Variants in GRID1 observed in about 807,000 individuals in gnomAD.
GRID1 encodes glutamate receptor ionotropic, delta-1.
GRID1 carries 28 observed loss-of-function variants against 98.0 expected under a neutral mutation model. That is an observed-to-expected ratio of 0.29 (90% CI 0.21 to 0.39). GRID1 has a LOEUF of 0.39. GRID1 is among the 10% of genes least tolerant of loss of function. The pLI, the probability that GRID1 is intolerant of heterozygous loss-of-function variation, is 1.00. For missense variants in GRID1, 1,111 were observed against 1,340.5 expected, an observed-to-expected ratio of 0.83 and a Z score of 2.67; for synonymous variants, 553 against 538.5, an observed-to-expected ratio of 1.03 and a Z score of -0.37.
At chr10:86,176,531 A>C (rs938677925) in intron 3 of GRID1, among the ~76,000 whole-genome samples, 1 of 152,196 alleles carries the variant, frequency 6.6e-6, no homozygotes, top group Admixed American at 6.5e-5. Flanking sequence ...ACTGCCGGAG[A>C]CCAAAGGCAA....
chr10:85,708,174 G>A (rs1455856858), intron 12 of GRID1, among the ~76,000 whole-genome samples: 2 of 150,794 alleles, frequency 1.3e-5, no homozygotes, highest in South Asian at 2.1e-4. Context: ...GGAGGCCGAG[G>A]TGGGCGGATC....
At chr10:85,895,012 A>ATATATAT (rs1269376668) in intron 5 of GRID1, among the ~76,000 whole-genome samples, 69 of 115,950 alleles carry the variant, frequency 6.0e-4, no homozygotes, top group South Asian at 2.4e-3. Flanking sequence ...AAAAAAAAAA[A>ATATATAT]AAAAATATAT....
At chr10:86,241,935 T>C (rs559421643) in intron 2 of GRID1, among the ~76,000 whole-genome samples, 28 of 152,364 alleles carry the variant, frequency 1.8e-4, no homozygotes, top group Non-Finnish European at 3.4e-4. Context: ...GCTGGGTCCC[T>C]GGATGCAAGG....
intron 2 of GRID1, among the ~76,000 whole-genome samples, chr10:86,225,774 C>T (rs909787511): frequency 2.0e-5 from 3 of 152,182 alleles, no homozygotes; most frequent in African/African-American, 7.2e-5. Flanking sequence ...AAAACTGGCT[C>T]CTACATGAGG....
Position 85,826,152 on chromosome 10 carries a change from C to T in GRID1, c.1233+28344G>A, listed in dbSNP as rs185950220. On this transcript the variant is annotated intron_variant, in intron 8 of 15. Transcript: ENST00000327946. ...GACCAGCCTGACCAACATGGAGAAACCACCCTCATCTCTACTAAAAAAAAA... is the reference window on the plus strand; with the variant it reads ...GACCAGCCTGACCAACATGGAGAAATCACCCTCATCTCTACTAAAAAAAAA... Among the ~76,000 whole-genome samples the T allele has an allele frequency of 6.6e-5, 10 of 151,962 alleles. No individual in the cohort carries two copies. In the East Asian group the frequency reaches 2.0e-3, roughly 30 times the overall value.
At chr10:85,637,910 C>T (rs1843068719) in intron 13 of GRID1, among the ~76,000 whole-genome samples, 1 of 152,108 alleles carries the variant, frequency 6.6e-6, no homozygotes, top group Non-Finnish European at 1.5e-5. Context: ...AATTCCTTGA[C>T]AAAAAGATTA....
At position 86,046,003 on chromosome 10, in the gene GRID1, C is replaced by T. The variant is rs149487927; in HGVS notation, c.726+92816G>A. ...TTTTGAAGTAGGAGGTGGGACTCAA[C>T]TCTGGAGTCAGGGCTCAGACACCGG... is the stretch of plus-strand genomic sequence containing the variant. On this transcript the variant is annotated intron_variant, in intron 4 of 15. Coordinates refer to ENST00000327946, the MANE Select transcript of GRID1 (RefSeq NM_017551.3). Among the ~76,000 whole-genome samples the T allele has an allele frequency of 9.4e-3, 1,433 of 152,262 alleles. 7 individuals carry two copies. The highest frequency in any genetic ancestry group is 0.018 in the South Asian group (89 of 4,826).
intron 14 of GRID1, among the ~76,000 whole-genome samples, chr10:85,615,904 G>A (rs1258973491): frequency 6.6e-6 from 1 of 152,212 alleles, no homozygotes; most frequent in Non-Finnish European, 1.5e-5. Context: ...AGCTAGCTAT[G>A]GATAGACAGT....
intron 4 of GRID1, among the ~76,000 whole-genome samples, chr10:86,122,451 C>T (rs150431179): frequency 6.6e-6 from 1 of 152,358 alleles, no homozygotes; most frequent in African/African-American, 2.4e-5. Context: ...GACGGCCATC[C>T]TGGGCATGGC....
chr10:85,684,394 G>A (rs1452591597), intron 12 of GRID1, among the ~76,000 whole-genome samples: 1 of 152,100 alleles, frequency 6.6e-6, no homozygotes, highest in African/African-American at 2.4e-5. Flanking sequence ...TATAGCAATT[G>A]TAACCTGAGT....
intron 3 of GRID1, among the ~76,000 whole-genome samples, chr10:86,198,729 T>TA (rs1845909629): frequency 6.6e-6 from 1 of 152,210 alleles, no homozygotes; most frequent in South Asian, 2.1e-4. Context: ...CCCTAACTAT[T>TA]AAACGCAAAG....
chr10:85,785,001 C>T (rs187489484), intron 8 of GRID1, among the ~76,000 whole-genome samples: 1 of 152,262 alleles, frequency 6.6e-6, no homozygotes, highest in Non-Finnish European at 1.5e-5. Context: ...TACACAATTG[C>T]AGAGGAGATC....
At chr10:86,011,765 T>C (rs768348119) in intron 4 of GRID1, among the ~76,000 whole-genome samples, 4 of 152,166 alleles carry the variant, frequency 2.6e-5, no homozygotes, top group Admixed American at 1.3e-4. Context: ...TTAACAGAAA[T>C]ATAAACTCAA....
intron 2 of GRID1, among the ~76,000 whole-genome samples, chr10:86,233,767 C>G (rs574266655): frequency 6.6e-6 from 1 of 152,166 alleles, no homozygotes; most frequent in Non-Finnish European, 1.5e-5. Flanking sequence ...CTGTCCCAGG[C>G]TCTGCCTCTA....
intron 4 of GRID1, among the ~76,000 whole-genome samples, chr10:86,021,186 A>T (rs1843043995): frequency 6.6e-6 from 1 of 152,176 alleles, no homozygotes; most frequent in Non-Finnish European, 1.5e-5. Context: ...AATCTCCCAA[A>T]TGGAAGCCAA....
chr10:85,662,834 C>T (rs1299731281), intron 12 of GRID1, among the ~76,000 whole-genome samples: 1 of 152,122 alleles, frequency 6.6e-6, no homozygotes, highest in Admixed American at 6.5e-5. Flanking sequence ...TCATGGGTCC[C>T]CACTCTCCTC....
At chr10:85,923,992 C>G (rs1277500514) in intron 4 of GRID1, among the ~76,000 whole-genome samples, 2 of 152,094 alleles carry the variant, frequency 1.3e-5, no homozygotes, top group Admixed American at 1.3e-4. Flanking sequence ...GGGGAGTAGC[C>G]TCTAGTCCCT....
chr10:86,033,940 G>A (rs577871335), intron 4 of GRID1, among the ~76,000 whole-genome samples: 8 of 152,302 alleles, frequency 5.3e-5, no homozygotes, highest in East Asian at 1.9e-4. Context: ...TTGACCCTGG[G>A]GCTGCCCCTA....
At chr10:85,833,254 C>A (rs887286869) in intron 8 of GRID1, among the ~76,000 whole-genome samples, 2 of 152,180 alleles carry the variant, frequency 1.3e-5, no homozygotes, top group African/African-American at 4.8e-5. Flanking sequence ...AGTCTTGTCA[C>A]AAGTGCCCTG....
Sources: gnomAD v4.1 joint callset for allele counts (sites outside exome capture counted in the v4.1 genomes callset) on GRCh38, gnomAD v4.1.1 for gene constraint, MANE v1.5 for transcripts, NCBI Gene and HGNC (gene_info 2026-07-23, HGNC 2026-07-21) for gene names.